The following VPS13B variants were observed in gnomAD, a reference collection of about 807,000 sequenced individuals.
The protein encoded by VPS13B is vacuolar protein sorting 13 homolog B.
Under a neutral mutation model 426.4 loss-of-function variants are expected in VPS13B, and 285 were observed. The observed-to-expected ratio is 0.67, with a 90% CI of 0.61 to 0.74. The LOEUF (loss-of-function observed/expected upper bound fraction) is 0.74, where lower values mean the gene tolerates loss of function less well. VPS13B is among the 30% of genes least tolerant of loss of function. The pLI is 0.00. For synonymous variants in VPS13B, 1,676 were observed against 1,676.4 expected (o/e 1.00, Z 0.01); for missense variants, 4,537 against 4,782.6 (o/e 0.95, Z 1.51).
chr8:99,495,431 G>C (rs894257632), intron 25 of VPS13B, among the ~76,000 whole-genome samples: 13 of 152,012 alleles, frequency 8.6e-5, no homozygotes, highest in African/African-American at 2.9e-4. Flanking sequence ...CTTTAGAGTT[G>C]AATCTGACCA....
chr8:99,640,049 G>GAAGAAGAAGAAGAGAAA (rs1299280170), intron 33 of VPS13B, among the ~76,000 whole-genome samples: 13 of 99,726 alleles, frequency 1.3e-4, no homozygotes, highest in African/African-American at 4.6e-4. Flanking sequence ...AGAAGAAGAA[G>GAAGAAGAAGAAGAGAAA]AGAAAAGAAA....
chr8:99,101,510 T>TAA (rs984644348), intron 4 of VPS13B, among the ~76,000 whole-genome samples: 9 of 152,320 alleles, frequency 5.9e-5, no homozygotes, highest in African/African-American at 2.2e-4. Context: ...TGTTGATACT[T>TAA]ACAATTTCTT....
At chr8:99,095,054 C>T (rs370902615) in intron 3 of VPS13B, among the ~76,000 whole-genome samples, 12 of 152,276 alleles carry the variant, frequency 7.9e-5, no homozygotes, top group African/African-American at 2.4e-4. Context: ...TGCCTATCTT[C>T]GTGAAAGAGC....
At chr8:99,031,562 C>G (rs1029909682) in intron 2 of VPS13B, among the ~76,000 whole-genome samples, 6 of 152,254 alleles carry the variant, frequency 3.9e-5, no homozygotes, top group Admixed American at 3.9e-4. Flanking sequence ...AAAACTTTTT[C>G]CTGTAGATTT....
intron 56 of VPS13B, among the ~76,000 whole-genome samples, chr8:99,859,008 C>T (rs1049835769): frequency 6.6e-6 from 1 of 152,176 alleles, no homozygotes; most frequent in Non-Finnish European, 1.5e-5. Flanking sequence ...TAGCAGAGTG[C>T]ATCCCCGCCA....
At chr8:99,363,652 A>G (rs1464877173) in intron 19 of VPS13B, among the ~76,000 whole-genome samples, 1 of 152,122 alleles carries the variant, frequency 6.6e-6, no homozygotes, top group Non-Finnish European at 1.5e-5. Flanking sequence ...TCTTGCATCA[A>G]TGTTTTATAG....
At chr8:99,028,767 G>C (rs1357320137) in intron 2 of VPS13B, among the ~76,000 whole-genome samples, 11 of 130,466 alleles carry the variant, frequency 8.4e-5, no homozygotes, top group South Asian at 2.5e-4. Flanking sequence ...CGGGCAGAGG[G>C]GCTCCTCACT....
intron 55 of VPS13B, 58 bp from the exon 56 acceptor site, chr8:99,853,393 G>A: frequency 1.3e-6 from 2 of 1,578,460 alleles, no homozygotes; most frequent in African/African-American, 2.7e-5. Context: ...AAAAAAGAAA[G>A]AAGAGAGAAA....
At chr8:99,147,696 G>T in intron 13 of VPS13B, 145 bp from the exon 14 acceptor site, 1 of 383,080 alleles carries the variant, frequency 2.6e-6, no homozygotes, top group Non-Finnish European at 4.2e-6. Context: ...TTTGTTAAAG[G>T]TAACTTATTA....
intron 21 of VPS13B, among the ~76,000 whole-genome samples, chr8:99,426,839 A>G (rs1291188319): frequency 5.7e-5 from 4 of 69,896 alleles, no homozygotes; most frequent in Non-Finnish European, 5.1e-5. Flanking sequence ...GTAGGTTGCG[A>G]AAATTTTCTC....
chr8:99,039,545 G>GTT (rs201743231), intron 3 of VPS13B, among the ~76,000 whole-genome samples: 7,060 of 136,938 alleles, frequency 0.052, 188 homozygotes, highest in African/African-American at 0.073. Context: ...TTTTTATTAG[G>GTT]TTTTTTTTTT....
chr8:99,835,091 A>G, intron 52 of VPS13B, 106 bp from the exon 53 acceptor site: 2 of 1,414,378 alleles, frequency 1.4e-6, no homozygotes, highest in South Asian at 2.3e-5. Flanking sequence ...TAAAACAGAT[A>G]TTTTCGAGTT....
chr8:99,474,233 G>T (rs1034171038), intron 24 of VPS13B, among the ~76,000 whole-genome samples: 4 of 138,838 alleles, frequency 2.9e-5, no homozygotes, highest in African/African-American at 1.1e-4. Context: ...CTGTTGCCCA[G>T]GGTGGAGTGC....
chr8:99,187,322 A>G (rs1813276294), intron 16 of VPS13B, among the ~76,000 whole-genome samples: 1 of 152,218 alleles, frequency 6.6e-6, no homozygotes, highest in Non-Finnish European at 1.5e-5. Context: ...GGAAAATGAG[A>G]AAGAAAAGAA....
At chr8:99,299,414 T>A (rs1263889990) in intron 19 of VPS13B, among the ~76,000 whole-genome samples, 2 of 152,136 alleles carry the variant, frequency 1.3e-5, no homozygotes, top group African/African-American at 4.8e-5. Flanking sequence ...GAATCAGCAC[T>A]TAAGTTTTGT....
At chr8:99,367,268 T>C (rs1390997818) in intron 19 of VPS13B, among the ~76,000 whole-genome samples, 1 of 152,208 alleles carries the variant, frequency 6.6e-6, no homozygotes, top group Non-Finnish European at 1.5e-5. Context: ...TTTCACAGGA[T>C]ATACTATTCT....
chr8:99,216,456 T>C (rs182862484), intron 17 of VPS13B, among the ~76,000 whole-genome samples: 136 of 152,144 alleles, frequency 8.9e-4, no homozygotes, highest in African/African-American at 3.0e-3. Context: ...TCTTTTCTTT[T>C]CTAGAGGAAC....
intron 3 of VPS13B, among the ~76,000 whole-genome samples, chr8:99,086,174 C>G (rs1845776656): frequency 6.6e-6 from 1 of 152,024 alleles, no homozygotes; most frequent in Non-Finnish European, 1.5e-5. Context: ...ATTCTTTTTT[C>G]TCTAAACTTC....
intron 33 of VPS13B, among the ~76,000 whole-genome samples, chr8:99,633,651 A>G (rs899121365): frequency 6.6e-6 from 1 of 152,052 alleles, no homozygotes; most frequent in African/African-American, 2.4e-5. Flanking sequence ...CATCAGTGGA[A>G]TGAACCTTGG....
Sources: allele counts gnomAD v4.1 joint callset (sites outside exome capture counted in the v4.1 genomes callset), GRCh38; gene constraint gnomAD v4.1.1; transcripts MANE v1.5; gene names NCBI Gene and HGNC (gene_info 2026-07-23, HGNC 2026-07-21).